DMD: variants seen among roughly 807,000 people sequenced by gnomAD.
The protein encoded by DMD is dystrophin.
A neutral mutation model predicts 330.1 loss-of-function variants in DMD; 63 were observed. The ratio of observed to expected loss-of-function variants is 0.19; its 90% CI spans 0.16 to 0.24. The LOEUF (loss-of-function observed/expected upper bound fraction) is 0.24. Ranked by LOEUF, DMD falls within the 10% of genes least tolerant of loss-of-function variation. The pLI is 1.00. For synonymous variants in DMD, 1,223 were observed against 959.8 expected (o/e 1.27, Z -5.07); for missense variants, 3,344 against 2,684.1 (o/e 1.25, Z -5.43).
At position 32,364,613 on chromosome X, in the gene DMD, T is replaced by C. The variant is rs775302077; in HGVS notation, c.5123A>G (p.Lys1708Arg). The C allele has an allele frequency of 3.3e-6, 4 of 1,209,883 alleles. No individual in the cohort carries two copies. In the African/African-American group the frequency reaches 5.2e-5, roughly 16 times the overall value. ...CACGTCTTCTTTTTGCTGGGGTTTC[T>C]TTTTCTCTGATTCATCCAAAAGTGT... ...ADTLLDESEK[K>R]KPQQKEDVLK... Residue 1708 changes from lysine to arginine, a missense_variant, in exon 36 of 79, where the codon AAG becomes AGG. By Grantham distance (26) the Lys-to-Arg change is conservative. Coordinates refer to ENST00000357033, the MANE Select transcript of DMD (RefSeq NM_004006.3).
Position 33,051,646 on chromosome X carries a change from A to ATTTTTTTT in DMD, c.32-31454_32-31447dup, listed in dbSNP as rs754035822. Among the ~76,000 whole-genome samples the ATTTTTTTT allele has an allele frequency of 4.4e-3, 315 of 71,898 alleles. 23 individuals are homozygous for ATTTTTTTT. Among genetic ancestry groups the ATTTTTTTT allele is most frequent in the African/African-American group, 0.01 (154 of 15,360 alleles). The allele number at this position is 71,898 out of a possible 115,157, so 62.4% of individuals were successfully genotyped here. ...TAAGGAAAATATATAATTACGCTCTATTTTTTTTTTTTTTTTTTTGAGACG... is the reference window on the plus strand; with the variant it reads ...TAAGGAAAATATATAATTACGCTCTATTTTTTTTTTTTTTTTTTTTTTTTTTTGAGACG... On this transcript the variant is annotated intron_variant, in intron 1 of 78. Transcript: ENST00000357033.
intron 47 of DMD, among the ~76,000 whole-genome samples, chrX:31,899,148 A>T (rs1381270148): frequency 8.9e-6 from 1 of 111,921 alleles, no homozygotes; most frequent in Non-Finnish European, 1.9e-5. Flanking sequence ...GTGCTCCTCC[A>T]AACTTTTAAG....
intron 63 of DMD, among the ~76,000 whole-genome samples, chrX:31,242,284 A>AAAAAAAG (rs1299239020): frequency 4.8e-5 from 5 of 103,261 alleles, no homozygotes; most frequent in Non-Finnish European, 9.8e-5. Context: ...AAAAAAAAAA[A>AAAAAAAG]AAAAAAATCT....
chrX:31,422,010 TATATATAAACACACACAC>T (rs1302712531), intron 60 of DMD, among the ~76,000 whole-genome samples: 1,118 of 69,559 alleles, frequency 0.016, 36 homozygotes, highest in African/African-American at 0.071. Context: ...CACATATATA[TATATATAAACACACACAC>T]ATATATATAT....
intron 42 of DMD, among the ~76,000 whole-genome samples, chrX:32,306,418 G>A (rs186110929): frequency 7.2e-5 from 8 of 110,844 alleles, no homozygotes; most frequent in Middle Eastern, 4.6e-3. Flanking sequence ...ACTTGAACAA[G>A]GGTTGTCTCT....
intron 50 of DMD, among the ~76,000 whole-genome samples, chrX:31,793,942 C>T (rs1163760231): frequency 9.0e-6 from 1 of 111,341 alleles, no homozygotes; most frequent in Non-Finnish European, 1.9e-5. Context: ...AGCACTTGCC[C>T]TTGTATTACA....
At chrX:31,620,977 A>T (rs767912024) in intron 55 of DMD, among the ~76,000 whole-genome samples, 1 of 111,776 alleles carries the variant, frequency 8.9e-6, no homozygotes, top group South Asian at 3.8e-4. Context: ...TTCAATTTTA[A>T]ATCTTTAACC....
intron 1 of DMD, among the ~76,000 whole-genome samples, chrX:33,146,416 A>G (rs2048033897): frequency 8.9e-6 from 1 of 111,876 alleles, no homozygotes; most frequent in Non-Finnish European, 1.9e-5. Flanking sequence ...AGTTAATAAT[A>G]AAATACTTCT....
At chrX:31,239,274 A>C (rs1307646886) in intron 63 of DMD, among the ~76,000 whole-genome samples, 1 of 112,415 alleles carries the variant, frequency 8.9e-6, no homozygotes, top group Non-Finnish European at 1.9e-5. Flanking sequence ...CTGGGCAACC[A>C]GGAATTAAAT....
Position 31,924,190 on chromosome X carries a change from G to A in DMD, c.6912+5406C>T, listed in dbSNP as rs2094735124. Among the ~76,000 whole-genome samples the A allele has an allele frequency of 3.6e-5, 4 of 111,796 alleles. No individual in the cohort carries two copies. In the Admixed American group the frequency reaches 3.8e-4, roughly 11 times the overall value. On this transcript the variant is annotated intron_variant, in intron 47 of 78. Transcript: ENST00000357033. ...TGGTTGAAAAAACATCACGTTAAGGGCAGGACTGAATGGTAACTATTAGAA... is the reference window on the plus strand; with the variant it reads ...TGGTTGAAAAAACATCACGTTAAGGACAGGACTGAATGGTAACTATTAGAA...
At chrX:32,267,304 C>G (rs2097348676) in intron 43 of DMD, among the ~76,000 whole-genome samples, 1 of 112,020 alleles carries the variant, frequency 8.9e-6, no homozygotes, top group South Asian at 3.7e-4. Context: ...TCTAATTGGG[C>G]TAGATCTCTA....
intron 9 of DMD, among the ~76,000 whole-genome samples, chrX:32,685,493 T>C (rs967891439): frequency 6.3e-5 from 7 of 111,843 alleles, no homozygotes; most frequent in African/African-American, 2.3e-4. Context: ...ATAATGAAGA[T>C]AAAATGTACT....
intron 2 of DMD, among the ~76,000 whole-genome samples, chrX:32,884,564 CAAGTCCTAAAACT>C (rs777198092): frequency 0.016 from 1,731 of 111,266 alleles, 30 homozygotes; most frequent in East Asian, 0.065. Flanking sequence ...CAAGTTGCAC[CAAGTCCTAAAACT>C]AACAGATGTT....
chrX:32,076,473 G>T (rs956542231), intron 44 of DMD, among the ~76,000 whole-genome samples: 1 of 105,690 alleles, frequency 9.5e-6, no homozygotes, highest in Non-Finnish European at 1.9e-5. Flanking sequence ...TCCACCTCCC[G>T]GGTTCACACC....
At chrX:32,351,489 G>GTT (rs1203823386) in intron 37 of DMD, among the ~76,000 whole-genome samples, 17 of 101,700 alleles carry the variant, frequency 1.7e-4, no homozygotes, top group African/African-American at 4.9e-4. Flanking sequence ...ACAGGGTGCA[G>GTT]TTTTTTTTTT....
intron 17 of DMD, among the ~76,000 whole-genome samples, chrX:32,534,960 C>G (rs1175210698): frequency 1.8e-5 from 2 of 111,055 alleles, no homozygotes; most frequent in Non-Finnish European, 3.8e-5. Flanking sequence ...TAAGAATACT[C>G]TCAGAAGATG....
rs398123996 is a variant in DMD, at chrX:32,343,119, C to A, written c.5739+15G>T. On this transcript the variant is annotated intron_variant, in intron 40 of 78. Transcript: ENST00000357033. ...TATAATAAAATCTGGTATTGACATT[C>A]TAAAACAACATTACCTTTATTTTCC... 2.2e-5 allele frequency: 26 copies of A among 1,204,189 alleles called. No individual in the cohort carries two copies. The highest frequency in any genetic ancestry group is 2.8e-5 in the Non-Finnish European group (25 of 890,394).
intron 61 of DMD, among the ~76,000 whole-genome samples, chrX:31,335,508 T>C (rs2057365880): frequency 8.9e-6 from 1 of 112,189 alleles, no homozygotes; most frequent in Non-Finnish European, 1.9e-5. Flanking sequence ...TTACTGACCA[T>C]CTTACGTTCT....
chrX:31,749,378 A>G lies in DMD; in HGVS notation c.7543-19630T>C, dbSNP rs5927836. Among the ~76,000 whole-genome samples, 894 of 96,735 alleles carry G rather than the reference A, an allele frequency of 9.2e-3. 8 individuals carry two copies. Among genetic ancestry groups the G allele is most frequent in the Middle Eastern group, 0.023 (4 of 174 alleles). 84.0% of individuals were successfully genotyped at this position (96,735 alleles called of 115,157 possible). On this transcript the variant is annotated intron_variant, in intron 51 of 78. Transcript: ENST00000357033. ...CTCATTGTTCAATTCCCACCTATGA[A>G]TGAGAATATGCGGTGTTTGGTTTTT... is the stretch of plus-strand genomic sequence containing the variant.
Sources: gnomAD v4.1 joint callset for allele counts (sites outside exome capture counted in the v4.1 genomes callset) on GRCh38, gnomAD v4.1.1 for gene constraint, MANE v1.5 for transcripts, NCBI Gene and HGNC (gene_info 2026-07-23, HGNC 2026-07-21) for gene names.